Variants in MAP4K3 observed in about 807,000 individuals in gnomAD.
The protein encoded by MAP4K3 is MAPK/ERK kinase kinase kinase 3.
Under a neutral mutation model 143.5 loss-of-function variants are expected in MAP4K3, and 94 were observed. The ratio of observed to expected loss-of-function variants is 0.65; its 90% CI spans 0.55 to 0.78. The LOEUF (loss-of-function observed/expected upper bound fraction) is 0.78. MAP4K3 is among the 30% of genes least tolerant of loss of function. The pLI is 0.00. For synonymous variants in MAP4K3, 416 were observed against 347.2 expected, an observed-to-expected ratio of 1.20 and a Z score of -2.20; for missense variants, 1,077 against 1,068.1, an observed-to-expected ratio of 1.01 and a Z score of -0.12.
At chr2:39,418,062 A>C (rs1019648723) in intron 1 of MAP4K3, among the ~76,000 whole-genome samples, 1 of 151,966 alleles carries the variant, frequency 6.6e-6, no homozygotes, top group African/African-American at 2.4e-5. Flanking sequence ...AATTAGCTGG[A>C]TGTGGTGGCG....
At chr2:39,392,894 G>T (rs1286082364) in intron 1 of MAP4K3, among the ~76,000 whole-genome samples, 1 of 152,148 alleles carries the variant, frequency 6.6e-6, no homozygotes, top group Non-Finnish European at 1.5e-5. Context: ...GGACTTTCCA[G>T]CCTCCAAAAC....
chr2:39,282,949 A>T (rs1191021802), intron 21 of MAP4K3, among the ~76,000 whole-genome samples: 1 of 152,252 alleles, frequency 6.6e-6, no homozygotes, highest in East Asian at 1.9e-4. Flanking sequence ...AGTAATCCAT[A>T]TCGGTCATGT....
chr2:39,312,336 G>A (rs1447142225), intron 13 of MAP4K3, among the ~76,000 whole-genome samples: 3 of 151,664 alleles, frequency 2.0e-5, no homozygotes, highest in African/African-American at 7.3e-5. Context: ...ACAAGCAGAG[G>A]AAAAAATACA....
intron 1 of MAP4K3, among the ~76,000 whole-genome samples, chr2:39,394,447 G>A (rs1024880772): frequency 6.6e-6 from 1 of 152,122 alleles, no homozygotes; most frequent in Non-Finnish European, 1.5e-5. Context: ...TGGTTCTCCA[G>A]AACAAAAACT....
intron 24 of MAP4K3, 72 bp downstream of exon 24, chr2:39,278,335 T>G (rs1351989385): frequency 4.7e-6 from 4 of 849,956 alleles, no homozygotes; most frequent in Non-Finnish European, 7.3e-6. Flanking sequence ...AAACTGAACC[T>G]TATTTCTGGT....
chr2:39,280,145 A>G, intron 23 of MAP4K3, 127 bp downstream of exon 23: 1 of 537,322 alleles, frequency 1.9e-6, no homozygotes, highest in East Asian at 3.0e-5. Flanking sequence ...CTTAAAATAA[A>G]AAAAAAATTA....
At chr2:39,327,460 C>T (rs547941828) in intron 8 of MAP4K3, among the ~76,000 whole-genome samples, 283 of 152,182 alleles carry the variant, frequency 1.9e-3, no homozygotes, top group African/African-American at 6.5e-3. Flanking sequence ...CTGATTTAAA[C>T]TATTAATTAT....
chr2:39,314,218 C>T (rs1220389012), intron 13 of MAP4K3, among the ~76,000 whole-genome samples: 1 of 152,004 alleles, frequency 6.6e-6, no homozygotes, highest in Non-Finnish European at 1.5e-5. Context: ...TATGTAGAGA[C>T]GGAGTTTCGC....
At position 39,311,402 on chromosome 2, in the gene MAP4K3, AG is replaced by A. The variant is rs1682931970; in HGVS notation, c.998-1884del. On this transcript the variant is annotated intron_variant, in intron 13 of 33. Coordinates refer to ENST00000263881, the MANE Select transcript of MAP4K3 (RefSeq NM_003618.4). ...CTGAGACCATCTTAATTCAGTATTT[AG>A]GTGGGTAGACAGCTGCTGATACAGG... Among the ~76,000 whole-genome samples, 2 of 152,180 alleles carry A rather than the reference AG, an allele frequency of 1.3e-5. 1 individual carries two copies. The highest frequency in any genetic ancestry group is 4.1e-4 in the South Asian group (2 of 4,828).
chr2:39,281,634 C>CCA (rs965597482), intron 22 of MAP4K3, among the ~76,000 whole-genome samples: 2 of 152,076 alleles, frequency 1.3e-5, no homozygotes, highest in African/African-American at 4.8e-5. Context: ...ACCTGGCATT[C>CCA]CACAGATAGC....
In MAP4K3 at chr2:39,381,994, T is replaced by G. The variant is rs560050954; in HGVS notation, c.97-3871A>C. Reference sequence around the variant, plus strand: ...TAACCTTTCTAAAATGGAAGTGGACTGGTGAGGAAAATCCTGCAGGTCTAG... The same window carrying G: ...TAACCTTTCTAAAATGGAAGTGGACGGGTGAGGAAAATCCTGCAGGTCTAG... On this transcript the variant is annotated intron_variant, in intron 1 of 33. Transcript: ENST00000263881. Among the ~76,000 whole-genome samples the G allele has an allele frequency of 2.5e-4, 38 of 152,306 alleles. No individual in the cohort carries two copies. The East Asian group carries it at 7.3e-3, about 29-fold the overall frequency.
chr2:39,416,404 C>G (rs1218571111), intron 1 of MAP4K3, among the ~76,000 whole-genome samples: 1 of 152,106 alleles, frequency 6.6e-6, no homozygotes, highest in Admixed American at 6.5e-5. Flanking sequence ...CACTCCTTTC[C>G]CCTCTGTGCA....
chr2:39,330,334 T>C (rs1683642798), intron 8 of MAP4K3, among the ~76,000 whole-genome samples: 1 of 152,126 alleles, frequency 6.6e-6, no homozygotes, highest in Non-Finnish European at 1.5e-5. Flanking sequence ...ACTAGTGCAA[T>C]ACTTCAAAAA....
intron 15 of MAP4K3, among the ~76,000 whole-genome samples, chr2:39,305,147 G>A (rs114727662): frequency 0.023 from 3,515 of 152,174 alleles, 56 homozygotes; most frequent in Non-Finnish European, 0.027. Context: ...TGGCAGCTGC[G>A]TAACAATGTG....
At chr2:39,404,978 C>G (rs1050712517) in intron 1 of MAP4K3, among the ~76,000 whole-genome samples, 3 of 152,196 alleles carry the variant, frequency 2.0e-5, no homozygotes, top group Non-Finnish European at 4.4e-5. Flanking sequence ...CTGGACCCAC[C>G]TGGGGTCTAG....
intron 24 of MAP4K3, among the ~76,000 whole-genome samples, chr2:39,276,824 A>T (rs1477893042): frequency 6.6e-6 from 1 of 152,214 alleles, no homozygotes. Context: ...ACACTCAAAA[A>T]CATCCCCATA....
rs1558629551 is a variant in MAP4K3, at chr2:39,295,722, T to G, written c.1179-2454A>C. ...ATTGCATTCGCATTCCATGTTTTTT[T>G]TTTTTTTTTTTTTGAGATGGAGTCT... On this transcript the variant is annotated intron_variant, in intron 16 of 33. Coordinates refer to ENST00000263881, the MANE Select transcript of MAP4K3 (RefSeq NM_003618.4). 7.3e-5 allele frequency among the ~76,000 whole-genome samples: 11 copies of G among 150,142 alleles called. 1 individual carries two copies. In the South Asian group the frequency reaches 1.9e-3, roughly 26 times the overall value.
intron 1 of MAP4K3, among the ~76,000 whole-genome samples, chr2:39,386,330 G>A (rs1483061320): frequency 6.6e-6 from 1 of 152,210 alleles, no homozygotes; most frequent in Non-Finnish European, 1.5e-5. Flanking sequence ...AATTTCTACT[G>A]TTGAAGCCAC....
chr2:39,420,193 T>C (rs1667507264), intron 1 of MAP4K3, among the ~76,000 whole-genome samples: 1 of 152,236 alleles, frequency 6.6e-6, no homozygotes, highest in South Asian at 2.1e-4. Flanking sequence ...CGCTAAACAA[T>C]CATGGGTAAT....
Sources: gnomAD v4.1 joint callset for allele counts (sites outside exome capture counted in the v4.1 genomes callset) on GRCh38, gnomAD v4.1.1 for gene constraint, MANE v1.5 for transcripts, NCBI Gene and HGNC (gene_info 2026-07-23, HGNC 2026-07-21) for gene names.